C11orf65: variants seen among roughly 807,000 people sequenced by gnomAD.
The protein encoded by C11orf65 is chromosome 11 open reading frame 65.
Under a neutral mutation model 35.3 loss-of-function variants are expected in C11orf65, and 38 were observed. The observed-to-expected ratio is 1.08, with a 90% CI of 0.83 to 1.41. The LOEUF is 1.41. C11orf65 is among the 40% of genes most tolerant of loss of function. The probability of loss-of-function intolerance (pLI) is 0.00; values close to 1 mark genes in which losing one functional copy is unlikely to be tolerated. For synonymous variants in C11orf65, 105 were observed against 114.4 expected, an observed-to-expected ratio of 0.92 and a Z score of 0.53; for missense variants, 370 against 367.1, an observed-to-expected ratio of 1.01 and a Z score of -0.06.
At chr11:108,466,058 G>C (rs1382488288) in intron 1 of C11orf65, among the ~76,000 whole-genome samples, 2 of 151,956 alleles carry the variant, frequency 1.3e-5, no homozygotes, top group Non-Finnish European at 2.9e-5. Flanking sequence ...ATCCAGTAGT[G>C]AGGGAGAAAT....
chr11:108,422,856 T>C (rs1007257876), intron 3 of C11orf65, among the ~76,000 whole-genome samples: 5 of 146,252 alleles, frequency 3.4e-5, no homozygotes, highest in African/African-American at 1.0e-4. Context: ...GACTCCAGCC[T>C]GGGCGACAGA....
rs185270276 is a variant in C11orf65, at chr11:108,393,101, T to C, written c.731+107A>G. ...ATAATAGATACTCGGGTTTTTTTTT[T>C]CTTTGAAGATTGTTTGTGGCCCCAA... On this transcript the variant is annotated intron_variant, in intron 7 of 8. Transcript: ENST00000393084. The C allele has an allele frequency of 6.6e-3, 8,273 of 1,255,820 alleles. 34 individuals are homozygous for C. The highest frequency in any genetic ancestry group is 7.8e-3 in the African/African-American group (518 of 66,796). 77.8% of individuals were successfully genotyped at this position (1,255,820 alleles called of 1,614,324 possible).
At position 108,345,695 on chromosome 11, in the gene C11orf65, A is replaced by G. The variant is rs1173090763; in HGVS notation, c.227-10403T>C. On this transcript the variant is annotated intron_variant, in intron 2 of 3. Transcript: ENST00000524755. ...TATATAAAAATGTGTATATTAGTTT[A>G]ATTGAACACAATATTGAAAAATAAT... The G allele has an allele frequency of 6.5e-6, 9 of 1,392,248 alleles. No individual in the cohort carries two copies. In the East Asian group the frequency reaches 2.3e-4, roughly 35 times the overall value. The allele number at this position is 1,392,248 out of a possible 1,614,324, so 86.2% of individuals were successfully genotyped here. A position where few individuals can be genotyped will look rare whatever the true frequency, so the allele number is the denominator to read the frequency against.
At chr11:108,329,546 TG>T (rs776123508), downstream of C11orf65, among the ~76,000 whole-genome samples, 1 of 152,052 alleles carries the variant, frequency 6.6e-6, no homozygotes, top group Non-Finnish European at 1.5e-5. Context: ...CCGAAATAGC[TG>T]GGGCTACAGG....
At chr11:108,327,965 T>C (rs1229389732), downstream of C11orf65, among the ~76,000 whole-genome samples, 9 of 152,198 alleles carry the variant, frequency 5.9e-5, no homozygotes, top group African/African-American at 2.2e-4. Flanking sequence ...AGCCCAAGTA[T>C]AGTATCTCTT....
intron 3 of C11orf65, among the ~76,000 whole-genome samples, chr11:108,421,114 C>A (rs904873908): frequency 6.6e-6 from 1 of 152,168 alleles, no homozygotes; most frequent in Admixed American, 6.5e-5. Flanking sequence ...AAGCACTAGT[C>A]GTCTTTCTCT....
chr11:108,462,194 C>T (rs1327588428), intron 1 of C11orf65, among the ~76,000 whole-genome samples: 1 of 152,056 alleles, frequency 6.6e-6, no homozygotes, highest in Non-Finnish European at 1.5e-5. Context: ...CAGGCACATG[C>T]TACGATGCCT....
In C11orf65 at chr11:108,459,769, A is replaced by ACACACACACC. The variant is rs981643793; in HGVS notation, c.81+1709_81+1710insGGTGTGTGTG. On this transcript the variant is annotated intron_variant, in intron 2 of 8. Coordinates refer to ENST00000393084, the MANE Select transcript of C11orf65 (RefSeq NM_152587.5). Reference sequence around the variant, plus strand: ...CACACACACACACACACACACACACACCTCTTTATTTACATGGCTTCTCTG... The same window carrying ACACACACACC: ...CACACACACACACACACACACACACACACACACACCCCTCTTTATTTACATGGCTTCTCTG... 4.4e-5 allele frequency among the ~76,000 whole-genome samples: 6 copies of ACACACACACC among 137,546 alleles called. 1 individual carries two copies. The highest frequency in any genetic ancestry group is 3.8e-4 in the Admixed American group (5 of 13,198). The allele number at this position is 137,546 out of a possible 152,430, so 90.2% of individuals were successfully genotyped here.
At chr11:108,395,023 G>A (rs1375851590) in intron 6 of C11orf65, among the ~76,000 whole-genome samples, 6 of 152,024 alleles carry the variant, frequency 3.9e-5, no homozygotes, top group African/African-American at 2.4e-5. Context: ...CCCAGCTACT[G>A]GGGAGGCGGA....
intron 2 of C11orf65, among the ~76,000 whole-genome samples, chr11:108,375,687 T>C (rs2091703159): frequency 6.6e-6 from 1 of 152,136 alleles, no homozygotes; most frequent in South Asian, 2.1e-4. Flanking sequence ...AGACACAGAC[T>C]GGCAAATTGG....
chr11:108,432,346 G>A (rs1341797554), intron 2 of C11orf65, among the ~76,000 whole-genome samples: 1 of 152,174 alleles, frequency 6.6e-6, no homozygotes, highest in Non-Finnish European at 1.5e-5. Flanking sequence ...AGCATGTAAA[G>A]CTTTCTGACA....
At chr11:108,318,835 C>G (rs760735024) in intron 6 of C11orf65, among the ~76,000 whole-genome samples, 3 of 151,914 alleles carry the variant, frequency 2.0e-5, no homozygotes, top group Non-Finnish European at 4.4e-5. Flanking sequence ...AATGTAAACC[C>G]TAAAAAATTA....
chr11:108,442,209 TG>T (rs1209250505), intron 2 of C11orf65, among the ~76,000 whole-genome samples: 1 of 151,850 alleles, frequency 6.6e-6, no homozygotes. Flanking sequence ...TTCAATCAAG[TG>T]GAAGAAAGGG....
chr11:108,356,036 TAC>T (rs2089877277), intron 2 of C11orf65: 1 of 152,220 alleles, frequency 6.6e-6, no homozygotes, highest in Admixed American at 6.5e-5. Flanking sequence ...AGGTTAAAAA[TAC>T]ATTCTTTTTT....
intron 1 of C11orf65, 31 bp from the exon 2 acceptor site, chr11:108,461,599 T>C (rs1423856841): frequency 1.6e-6 from 2 of 1,261,074 alleles, no homozygotes; most frequent in Non-Finnish European, 2.2e-6. Context: ...AGGGTACATT[T>C]AAAATAATTT....
At chr11:108,439,784 T>C (rs1265293026) in intron 2 of C11orf65, among the ~76,000 whole-genome samples, 3 of 152,108 alleles carry the variant, frequency 2.0e-5, no homozygotes, top group South Asian at 2.1e-4. Context: ...AGACACAAAG[T>C]AGAATAGAGA....
chr11:108,447,104 C>T (rs909445229), intron 2 of C11orf65, among the ~76,000 whole-genome samples: 6 of 152,036 alleles, frequency 3.9e-5, no homozygotes, highest in African/African-American at 1.5e-4. Context: ...ATATATGCAC[C>T]CAATACAGGA....
intron 2 of C11orf65, among the ~76,000 whole-genome samples, chr11:108,459,100 C>G (rs901088570): frequency 4.6e-5 from 7 of 152,082 alleles, no homozygotes; most frequent in African/African-American, 1.7e-4. Flanking sequence ...TAATGGGTAT[C>G]GTCAAGTAGC....
At chr11:108,381,935 GCTCTCTCT>G (rs34839130), downstream of C11orf65, among the ~76,000 whole-genome samples, 13 of 150,170 alleles carry the variant, frequency 8.7e-5, no homozygotes, top group African/African-American at 2.4e-4. Context: ...CTTCCTCCTT[GCTCTCTCT>G]CTCTCTCTCT....
Sources: gnomAD v4.1 joint callset for allele counts (sites outside exome capture counted in the v4.1 genomes callset) on GRCh38, gnomAD v4.1.1 for gene constraint, MANE v1.5 for transcripts, NCBI Gene and HGNC (gene_info 2026-07-23, HGNC 2026-07-21) for gene names.